RABGAP1L: variants seen among roughly 807,000 people sequenced by gnomAD.
The protein encoded by RABGAP1L is RAB GTPase activating protein 1 like.
In RABGAP1L, 63 loss-of-function variants were observed where a neutral mutation model predicts 137.7. That is an observed-to-expected ratio of 0.46 (90% CI 0.37 to 0.56). RABGAP1L has a LOEUF of 0.56. Among genes scored for constraint, RABGAP1L ranks in the 20% least tolerant of loss-of-function variants. RABGAP1L has a pLI of 0.00. For missense variants in RABGAP1L, 1,095 were observed against 1,244.0 expected, an observed-to-expected ratio of 0.88 and a Z score of 1.80; for synonymous variants, 431 against 433.7, an observed-to-expected ratio of 0.99 and a Z score of 0.08.
chr1:174,559,727 G>C (rs769205593), intron 13 of RABGAP1L, among the ~76,000 whole-genome samples: 1 of 152,276 alleles, frequency 6.6e-6, no homozygotes, highest in South Asian at 2.1e-4. Flanking sequence ...GAGAAACAGG[G>C]TTAGTAAAGC....
chr1:174,759,283 T>TAA (rs59159307), intron 18 of RABGAP1L, among the ~76,000 whole-genome samples: 104 of 130,664 alleles, frequency 8.0e-4, no homozygotes, highest in African/African-American at 2.5e-3. Flanking sequence ...GTAATTTATT[T>TAA]AAAAAAAAAA....
chr1:174,512,862 C>A (rs1049466296), intron 13 of RABGAP1L, among the ~76,000 whole-genome samples: 3 of 152,148 alleles, frequency 2.0e-5, no homozygotes, highest in African/African-American at 7.2e-5. Flanking sequence ...ATTATTTACA[C>A]ATGTACACAT....
intron 18 of RABGAP1L, among the ~76,000 whole-genome samples, chr1:174,766,777 G>C (rs962325821): frequency 6.6e-6 from 1 of 152,134 alleles, no homozygotes; most frequent in Admixed American, 6.5e-5. Context: ...GAGGTAACCT[G>C]AAAAAACAAA....
chr1:174,807,184 T>C (rs1689386935), intron 18 of RABGAP1L, among the ~76,000 whole-genome samples: 1 of 152,224 alleles, frequency 6.6e-6, no homozygotes, highest in African/African-American at 2.4e-5. Context: ...TAAAGGACTA[T>C]AAATAATGTA....
At chr1:174,833,466 A>ATATATATATATATATATAC (rs71117580) in intron 19 of RABGAP1L, among the ~76,000 whole-genome samples, 2 of 61,120 alleles carry the variant, frequency 3.3e-5, no homozygotes, top group Non-Finnish European at 4.1e-5. Flanking sequence ...ATATATATAT[A>ATATATATATATATATATAC]TAGTAGAGAC....
chr1:174,454,693 G>A (rs1655842296), intron 13 of RABGAP1L, among the ~76,000 whole-genome samples: 1 of 151,690 alleles, frequency 6.6e-6, no homozygotes, highest in South Asian at 2.1e-4. Context: ...GAGACTACAG[G>A]CGCCCACCAG....
At chr1:174,898,654 G>GT (rs1657633053) in intron 19 of RABGAP1L, among the ~76,000 whole-genome samples, 1 of 152,166 alleles carries the variant, frequency 6.6e-6, no homozygotes, top group South Asian at 2.1e-4. Flanking sequence ...AATAACAGCA[G>GT]TTCTCTGTTG....
At chr1:174,616,870 C>T (rs1005294884) in intron 13 of RABGAP1L, among the ~76,000 whole-genome samples, 3 of 152,090 alleles carry the variant, frequency 2.0e-5, no homozygotes, top group Admixed American at 1.3e-4. Context: ...CCTGGAGGTA[C>T]TATGTTCTGA....
intron 13 of RABGAP1L, among the ~76,000 whole-genome samples, chr1:174,617,312 C>T (rs1181595247): frequency 6.6e-6 from 1 of 152,184 alleles, no homozygotes; most frequent in Non-Finnish European, 1.5e-5. Context: ...GAAACAGCAA[C>T]TGACCCTCTC....
intron 5 of RABGAP1L, among the ~76,000 whole-genome samples, chr1:174,242,260 G>A (rs1464463176): frequency 6.6e-6 from 1 of 152,076 alleles, no homozygotes; most frequent in East Asian, 1.9e-4. Context: ...ATTACTAATT[G>A]GTAGATTATT....
At chr1:174,690,143 C>T (rs906709863) in intron 15 of RABGAP1L, among the ~76,000 whole-genome samples, 1 of 152,122 alleles carries the variant, frequency 6.6e-6, no homozygotes, top group African/African-American at 2.4e-5. Context: ...CTTTTTGAAG[C>T]TGAACTCTTT....
At chr1:174,580,801 C>T (rs189963529) in intron 13 of RABGAP1L, among the ~76,000 whole-genome samples, 3 of 152,160 alleles carry the variant, frequency 2.0e-5, no homozygotes, top group East Asian at 1.9e-4. Context: ...ATTGAGTATT[C>T]GGAATATATC....
At chr1:174,612,066 G>T (rs1358924076) in intron 13 of RABGAP1L, among the ~76,000 whole-genome samples, 1 of 152,058 alleles carries the variant, frequency 6.6e-6, no homozygotes, top group Non-Finnish European at 1.5e-5. Context: ...CTGCCTAATT[G>T]CCCTGGCCAG....
intron 13 of RABGAP1L, among the ~76,000 whole-genome samples, chr1:174,431,272 A>T (rs1233813545): frequency 1.3e-5 from 2 of 152,200 alleles, no homozygotes; most frequent in Non-Finnish European, 2.9e-5. Flanking sequence ...CTATGAGATA[A>T]TTCTAATTTT....
intron 19 of RABGAP1L, among the ~76,000 whole-genome samples, chr1:174,812,495 T>G (rs1163975224): frequency 1.3e-5 from 2 of 152,218 alleles, no homozygotes; most frequent in Non-Finnish European, 2.9e-5. Context: ...AGTTGTAGTA[T>G]TAAGGTGAGA....
intron 10 of RABGAP1L, among the ~76,000 whole-genome samples, chr1:174,282,051 A>G (rs1675617098): frequency 6.6e-6 from 1 of 152,216 alleles, no homozygotes; most frequent in African/African-American, 2.4e-5. Flanking sequence ...TAGCTGTACC[A>G]TAATTTATTA....
At chr1:174,712,398 G>A (rs1680620090) in intron 17 of RABGAP1L, among the ~76,000 whole-genome samples, 1 of 152,068 alleles carries the variant, frequency 6.6e-6, no homozygotes, top group African/African-American at 2.4e-5. Context: ...CACTGGGAGG[G>A]ACGAACAACT....
chr1:174,369,994 C>G (rs980671502), intron 11 of RABGAP1L, among the ~76,000 whole-genome samples: 31 of 152,154 alleles, frequency 2.0e-4, no homozygotes, highest in African/African-American at 7.0e-4. Context: ...TAAACCATTA[C>G]TTATTACATT....
chr1:174,383,777 A>T lies in RABGAP1L; in HGVS notation c.1560-10218A>T, dbSNP rs541876788. On this transcript the variant is annotated intron_variant, in intron 12 of 25. Coordinates refer to ENST00000681986, the MANE Select transcript of RABGAP1L (RefSeq NM_001366446.1). ...GCGTCGCTCATGCTGGGAGCTGTAG[A>T]CCGGAGCTGTTCCTATTCGGCCATC... Among the ~76,000 whole-genome samples the T allele has an allele frequency of 2.6e-5, 4 of 152,196 alleles. No individual in the cohort carries two copies. The South Asian group carries it at 8.3e-4, about 32-fold the overall frequency.
Sources: allele counts gnomAD v4.1 joint callset (sites outside exome capture counted in the v4.1 genomes callset), GRCh38; gene constraint gnomAD v4.1.1; transcripts MANE v1.5; gene names NCBI Gene and HGNC (gene_info 2026-07-23, HGNC 2026-07-21).